The following ZNF765 variants were observed in gnomAD, a reference collection of about 807,000 sequenced individuals.
ZNF765 encodes zinc finger protein 765.
In ZNF765, 37 loss-of-function variants were observed where a neutral mutation model predicts 44.7. That is an observed-to-expected ratio of 0.83 (90% CI 0.64 to 1.09). The LOEUF (loss-of-function observed/expected upper bound fraction) is 1.09. ZNF765 is among the 50% of genes least tolerant of loss of function. The probability of loss-of-function intolerance (pLI) is 0.00; values close to 1 mark genes in which losing one functional copy is unlikely to be tolerated. For synonymous variants in ZNF765, 201 were observed against 213.7 expected (o/e 0.94, Z 0.52); for missense variants, 594 against 626.1 (o/e 0.95, Z 0.55).
intron 1 of ZNF765, among the ~76,000 whole-genome samples, chr19:53,395,918 A>G (rs2085663355): frequency 6.6e-6 from 1 of 152,170 alleles, no homozygotes; most frequent in African/African-American, 2.4e-5. Flanking sequence ...CTGAGACAGA[A>G]AAGAAGAATA....
In ZNF765 at chr19:53,411,155, C is replaced by T. The variant is rs898943950; in HGVS notation, c.*2028C>T. ...GAGGACTGGGCCAGGCACAGTGGCT[C>T]ACACCTGTAATCTGAGCGCTTTGGG... On this transcript the variant is annotated 3_prime_UTR_variant, in exon 4 of 4. Transcript: ENST00000396408. 2.7e-4 allele frequency: 49 copies of T among 180,692 alleles called. No individual in the cohort carries two copies. The highest frequency in any genetic ancestry group is 3.6e-4 in the Admixed American group (6 of 16,738). 11.2% of individuals were successfully genotyped at this position (180,692 alleles called of 1,614,324 possible).
At position 53,409,343 on chromosome 19, in the gene ZNF765, T is replaced by A; in HGVS notation, c.*216T>A. 1.2e-6 allele frequency: 1 copy of A among 847,804 alleles called. No individual in the cohort carries two copies. Among genetic ancestry groups the A allele is most frequent in the Non-Finnish European group, 2.0e-6 (1 of 491,064 alleles). 52.5% of individuals were successfully genotyped at this position (847,804 alleles called of 1,614,324 possible). On this transcript the variant is annotated 3_prime_UTR_variant, in exon 4 of 4. Transcript: ENST00000396408. ...ATACGTCATCTTTTGTGTACCATCA[T>A]AAACTTCATAGTGGAGAGACCTTAC...
chr19:53,409,070 C>T lies in ZNF765; in HGVS notation c.1515C>T (p.Phe505=). 1 of 1,613,762 alleles carries T rather than the reference C, an allele frequency of 6.2e-7. No individual in the cohort carries two copies. Among genetic ancestry groups the T allele is most frequent in the Non-Finnish European group, 8.5e-7 (1 of 1,179,938 alleles). The part of the protein sequence containing the change: ...KCEDCDEAFS[F]KSNLERHRRI... ...AAGATTGTGATGAAGCTTTCAGTTT[C>T]AAATCAAACCTTGAAAGACATAGGA... Residue 505 remains phenylalanine, a synonymous_variant, in exon 4 of 4, where the codon TTC becomes TTT. Transcript: ENST00000396408.
Position 53,410,086 on chromosome 19 carries a change from C to A in ZNF765, c.*959C>A, listed in dbSNP as rs2085819617. ...TTCATGGGTGAAGTCGTATTAGAAA[C>A]CTTACAAATGTGAAGAATGTGATGA... On this transcript the variant is annotated 3_prime_UTR_variant, in exon 4 of 4. Coordinates refer to ENST00000396408, the MANE Select transcript of ZNF765 (RefSeq NM_001040185.3). 2.2e-6 allele frequency: 1 copy of A among 453,066 alleles called. No homozygotes were observed. Among genetic ancestry groups the A allele is most frequent in the Non-Finnish European group, 4.5e-6 (1 of 222,784 alleles). The allele number at this position is 453,066 out of a possible 1,614,324, so 28.1% of individuals were successfully genotyped here. A position where few individuals can be genotyped will look rare whatever the true frequency, so the allele number is the denominator to read the frequency against.
At position 53,408,857 on chromosome 19, in the gene ZNF765, A is replaced by T; in HGVS notation, c.1302A>T (p.Gly434=). ...TTAACATTTGTAGACTTCATAGTGG[A>T]GAGAAACCTTACAAATGTGAAGAAT... ...LTLNICRLHS[G]EKPYKCEECD... The change falls in exon 4 of 4, where the codon GGA becomes GGT. Residue 434 remains glycine (G), a synonymous_variant. Coordinates refer to ENST00000396408, the MANE Select transcript of ZNF765 (RefSeq NM_001040185.3). 6.2e-7 allele frequency: 1 copy of T among 1,613,990 alleles called. No homozygotes were observed. The highest frequency in any genetic ancestry group is 2.2e-5 in the East Asian group (1 of 44,848).
At chr19:53,401,957 AC>A in intron 2 of ZNF765, 107 bp from the exon 3 acceptor site, 1 of 1,610,826 alleles carries the variant, frequency 6.2e-7, no homozygotes, top group Non-Finnish European at 8.5e-7. Flanking sequence ...ATTTGTTAGA[AC>A]ATTCACTGCA....
intron 1 of ZNF765, among the ~76,000 whole-genome samples, chr19:53,396,380 C>T (rs1017723417): frequency 1.3e-5 from 2 of 152,158 alleles, no homozygotes; most frequent in Non-Finnish European, 2.9e-5. Context: ...TACGCACCGG[C>T]TCAGTGGATT....
intron 2 of ZNF765, among the ~76,000 whole-genome samples, chr19:53,398,666 G>C (rs1340649079): frequency 1.3e-5 from 2 of 152,172 alleles, no homozygotes; most frequent in African/African-American, 2.4e-5. Context: ...TACGCTCATG[G>C]AGACTGTGGG....
At chr19:53,413,063 T>C, downstream of ZNF765, 1 of 336,882 alleles carries the variant, frequency 3.0e-6, no homozygotes, top group South Asian at 2.6e-5. Context: ...TGAGCCGAGA[T>C]GGCGCCATTG....
intron 1 of ZNF765, among the ~76,000 whole-genome samples, chr19:53,397,504 A>G (rs2147086054): frequency 6.6e-6 from 1 of 152,222 alleles, no homozygotes; most frequent in South Asian, 2.1e-4. Flanking sequence ...CTCCTAAGTA[A>G]CTGGGACCAC....
In ZNF765 at chr19:53,410,272, G is replaced by T; in HGVS notation, c.*1145G>T. The T allele has an allele frequency of 2.8e-6, 1 of 360,326 alleles. No individual in the cohort carries two copies. The highest frequency in any genetic ancestry group is 2.4e-5 in the South Asian group (1 of 42,062). The allele number at this position is 360,326 out of a possible 1,614,324, so 22.3% of individuals were successfully genotyped here. ...TAAACGTTACAAATGTGAAGCATGTGACAAAGTTTACAGTCGCAAATCAAG... is the reference window on the plus strand; with the variant it reads ...TAAACGTTACAAATGTGAAGCATGTTACAAAGTTTACAGTCGCAAATCAAG... On this transcript the variant is annotated 3_prime_UTR_variant, in exon 4 of 4. Transcript: ENST00000396408.
In ZNF765 at chr19:53,406,027, A is replaced by AT. The variant is rs201892505; in HGVS notation, c.143-1652dup. On this transcript the variant is annotated intron_variant, in intron 3 of 3. Transcript: ENST00000396408. ...TTGCACCCTCTGACACCGTTAGTCA[A>AT]TTTTTTTTTTTTTTTTTTTGGAGAT... Among the ~76,000 whole-genome samples, 35 of 125,314 alleles carry AT rather than the reference A, an allele frequency of 2.8e-4. 2 individuals carry two copies. The highest frequency in any genetic ancestry group is 1.9e-3 in the East Asian group (8 of 4,274). The allele number at this position is 125,314 out of a possible 152,430, so 82.2% of individuals were successfully genotyped here.
chr19:53,424,375 G>A (rs767727303), exon 4 of ZNF765: 3 of 152,108 alleles, frequency 2.0e-5, no homozygotes, highest in Non-Finnish European at 4.4e-5. Flanking sequence ...TTGGGAGGCT[G>A]AGGCAGCAGA....
rs1210208323 is a variant in ZNF765, at chr19:53,408,888, A to G, written c.1333A>G (p.Lys445Glu). 1 of 1,613,834 alleles carries G rather than the reference A, an allele frequency of 6.2e-7. No individual in the cohort carries two copies. Among genetic ancestry groups the G allele is most frequent in the Non-Finnish European group, 8.5e-7 (1 of 1,179,942 alleles). ...ACCTTACAAATGTGAAGAATGTGAC[A>G]AAGCCTACAGTTTCAAATCAAACCT... ...EKPYKCEECD[K>E]AYSFKSNLEI... The change falls in exon 4 of 4, where the codon AAA (lysine) becomes GAA (glutamate). Residue 445 changes from lysine to glutamate, a missense_variant. By Grantham distance (56) the Lys-to-Glu change is moderately conservative. Coordinates refer to ENST00000396408, the MANE Select transcript of ZNF765 (RefSeq NM_001040185.3).
At chr19:53,396,887 T>C (rs1327975631) in intron 1 of ZNF765, among the ~76,000 whole-genome samples, 2 of 152,252 alleles carry the variant, frequency 1.3e-5, no homozygotes, top group Non-Finnish European at 2.9e-5. Flanking sequence ...TTTTCTTCTT[T>C]AGGCACAGGC....
downstream of ZNF765, among the ~76,000 whole-genome samples, chr19:53,412,938 C>T (rs1232968874): frequency 1.3e-5 from 2 of 151,986 alleles, no homozygotes; most frequent in Admixed American, 6.5e-5. Flanking sequence ...GGTGAAACCC[C>T]GTCTCTACTA....
chr19:53,421,647 T>G (rs1275554498), intron 3 of ZNF765, among the ~76,000 whole-genome samples: 1 of 152,186 alleles, frequency 6.6e-6, no homozygotes, highest in East Asian at 1.9e-4. Flanking sequence ...CCCTAGTAGC[T>G]GGGCTTACAG....
At chr19:53,405,213 G>T (rs1476286571) in intron 3 of ZNF765, among the ~76,000 whole-genome samples, 1 of 152,064 alleles carries the variant, frequency 6.6e-6, no homozygotes, top group African/African-American at 2.4e-5. Flanking sequence ...TTAGCTGAGC[G>T]TGGTGGCGCA....
In ZNF765 at chr19:53,409,931, C is replaced by A; in HGVS notation, c.*804C>A. On this transcript the variant is annotated 3_prime_UTR_variant, in exon 4 of 4. Transcript: ENST00000396408. ...AGCATTTTACAAATGTAATGATTGT[C>A]ACCAAGTCTTGAGTAATGCTACAAC... The A allele has an allele frequency of 1.7e-6, 1 of 604,814 alleles. No homozygotes were observed. Among genetic ancestry groups the A allele is most frequent in the South Asian group, 1.4e-5 (1 of 71,092 alleles). The allele number at this position is 604,814 out of a possible 1,614,324, so 37.5% of individuals were successfully genotyped here. A position where few individuals can be genotyped will look rare whatever the true frequency, so the allele number is the denominator to read the frequency against.
Sources: allele counts gnomAD v4.1 joint callset (sites outside exome capture counted in the v4.1 genomes callset), GRCh38; gene constraint gnomAD v4.1.1; transcripts MANE v1.5; gene names NCBI Gene and HGNC (gene_info 2026-07-23, HGNC 2026-07-21).